The following PTPRM variants were observed in gnomAD, a reference collection of about 807,000 sequenced individuals.
PTPRM encodes the protein protein tyrosine phosphatase receptor type M, also known as receptor-type tyrosine-protein phosphatase mu.
A neutral mutation model predicts 186.7 loss-of-function variants in PTPRM; 47 were observed. That is an observed-to-expected ratio of 0.25 (90% CI 0.20 to 0.32). PTPRM has a LOEUF of 0.32. Ranked by LOEUF, PTPRM falls within the 10% of genes least tolerant of loss-of-function variation. The pLI is 1.00. For missense variants in PTPRM, 1,494 were observed against 1,865.0 expected, an observed-to-expected ratio of 0.80 and a Z score of 3.66; for synonymous variants, 668 against 674.9, an observed-to-expected ratio of 0.99 and a Z score of 0.16.
rs192908376 is a variant in PTPRM, at chr18:7,846,261, G to T, written c.197-41845G>T. Among the ~76,000 whole-genome samples, 438 of 152,214 alleles carry T rather than the reference G, an allele frequency of 2.9e-3. 5 individuals carry two copies. Among genetic ancestry groups the T allele is most frequent in the Non-Finnish European group, 2.7e-3 (186 of 68,016 alleles). The stretch of plus-strand genomic sequence containing the variant: ...GCAAGACAAATTATTTGTATGTGAT[G>T]GTGCTAGATCCCCCATTACATACAG... On this transcript the variant is annotated intron_variant, in intron 2 of 32. Transcript: ENST00000580170.
At chr18:7,797,951 C>G (rs575176853) in intron 2 of PTPRM, among the ~76,000 whole-genome samples, 1 of 152,274 alleles carries the variant, frequency 6.6e-6, no homozygotes, top group South Asian at 2.1e-4. Context: ...GCCTTGACTT[C>G]GGATGTCCCT....
At chr18:8,398,190 C>T (rs1339177688) in intron 32 of PTPRM, among the ~76,000 whole-genome samples, 1 of 152,040 alleles carries the variant, frequency 6.6e-6, no homozygotes, top group Non-Finnish European at 1.5e-5. Flanking sequence ...TGCAGTTTTG[C>T]CCAGGCTGGT....
intron 19 of PTPRM, among the ~76,000 whole-genome samples, chr18:8,285,669 C>CT (rs1466596876): frequency 1.3e-5 from 2 of 152,126 alleles, no homozygotes; most frequent in Non-Finnish European, 2.9e-5. Context: ...GTTGTCTCGA[C>CT]TTTTTCTATT....
intron 7 of PTPRM, among the ~76,000 whole-genome samples, chr18:8,043,566 T>G (rs764193968): frequency 7.2e-5 from 11 of 152,196 alleles, no homozygotes; most frequent in Non-Finnish European, 1.5e-4. Context: ...AGGTATTTTT[T>G]TTTTCACTTC....
intron 10 of PTPRM, among the ~76,000 whole-genome samples, chr18:8,086,567 G>T (rs946732053): frequency 6.6e-6 from 1 of 152,136 alleles, no homozygotes; most frequent in Non-Finnish European, 1.5e-5. Context: ...GTGTGGAAGT[G>T]TTGAGTTTTG....
At chr18:8,205,182 TAGAA>T (rs2093911047) in intron 14 of PTPRM, among the ~76,000 whole-genome samples, 2 of 152,166 alleles carry the variant, frequency 1.3e-5, no homozygotes, top group Admixed American at 1.3e-4. Context: ...CATTAATAAA[TAGAA>T]AGCTTTAAGA....
chr18:8,259,946 A>G (rs2094611600), intron 19 of PTPRM, among the ~76,000 whole-genome samples: 1 of 152,012 alleles, frequency 6.6e-6, no homozygotes, highest in South Asian at 2.1e-4. Context: ...CTGGCCCCAG[A>G]TCTCCCTCTT....
intron 14 of PTPRM, among the ~76,000 whole-genome samples, chr18:8,176,678 A>G (rs1299888032): frequency 1.3e-5 from 2 of 152,208 alleles, no homozygotes; most frequent in Non-Finnish European, 2.9e-5. Flanking sequence ...AAGAAAGGTC[A>G]TGGGAAGATT....
intron 7 of PTPRM, among the ~76,000 whole-genome samples, chr18:8,054,309 A>G (rs1226005143): frequency 2.8e-5 from 4 of 140,848 alleles, no homozygotes; most frequent in African/African-American, 1.1e-4. Context: ...ATATATATAT[A>G]TATATATATA....
At chr18:7,657,532 A>G (rs186365941) in intron 1 of PTPRM, among the ~76,000 whole-genome samples, 6 of 152,236 alleles carry the variant, frequency 3.9e-5, no homozygotes, top group Admixed American at 3.3e-4. Context: ...CTTATTTTCT[A>G]TACACAGCCG....
At chr18:8,035,235 A>G (rs927860460) in intron 7 of PTPRM, among the ~76,000 whole-genome samples, 1 of 152,246 alleles carries the variant, frequency 6.6e-6, no homozygotes, top group African/African-American at 2.4e-5. Flanking sequence ...ACCAGGCTGC[A>G]TCTTCAAAAT....
chr18:7,780,289 G>A (rs995742187), intron 2 of PTPRM, among the ~76,000 whole-genome samples: 1 of 152,150 alleles, frequency 6.6e-6, no homozygotes, highest in African/African-American at 2.4e-5. Flanking sequence ...TACAACATAG[G>A]AAACTGAAGT....
At chr18:8,153,747 A>G (rs1275155270) in intron 14 of PTPRM, among the ~76,000 whole-genome samples, 1 of 152,234 alleles carries the variant, frequency 6.6e-6, no homozygotes, top group African/African-American at 2.4e-5. Context: ...GTTAAAGCAT[A>G]ACATTAATCA....
At chr18:8,311,413 A>G (rs1568722150) in intron 20 of PTPRM, among the ~76,000 whole-genome samples, 1 of 152,078 alleles carries the variant, frequency 6.6e-6, no homozygotes, top group Non-Finnish European at 1.5e-5. Flanking sequence ...GGAAGAGTTC[A>G]ATCCTTGTTG....
chr18:7,988,549 A>C (rs1299566965), intron 7 of PTPRM, among the ~76,000 whole-genome samples: 1 of 152,170 alleles, frequency 6.6e-6, no homozygotes, highest in East Asian at 1.9e-4. Flanking sequence ...CCCTGTACTT[A>C]AAACGACAAC....
rs2036449252 is a variant in PTPRM, at chr18:7,567,338, C to A, written c.-481C>A. 1 of 148,502 alleles carries A rather than the reference C, an allele frequency of 6.7e-6. No individual in the cohort carries two copies. The highest frequency in any genetic ancestry group is 1.5e-5 in the Non-Finnish European group (1 of 66,622). 9.2% of individuals were successfully genotyped at this position (148,502 alleles called of 1,614,324 possible). ...GCCAGTCAGTCGGGGAGCAAGAGCC[C>A]CGCGCGCAGCCGGCGCGGGCTCGGT... On this transcript the variant is annotated 5_prime_UTR_variant, in exon 1 of 33. Coordinates refer to ENST00000580170, the MANE Select transcript of PTPRM (RefSeq NM_001105244.2). The surrounding 1 kb of genome is among the most constrained non-coding windows in gnomAD (Gnocchi z 4.3).
chr18:7,634,169 G>GT (rs753372231), intron 1 of PTPRM, among the ~76,000 whole-genome samples: 1 of 151,834 alleles, frequency 6.6e-6, no homozygotes, highest in Non-Finnish European at 1.5e-5. Flanking sequence ...GTTTTTTCTT[G>GT]TTGCTGTTTT....
intron 22 of PTPRM, among the ~76,000 whole-genome samples, chr18:8,335,793 G>A (rs1027152792): frequency 6.6e-5 from 10 of 151,986 alleles, no homozygotes; most frequent in East Asian, 1.9e-4. Flanking sequence ...AAGCTGAGGC[G>A]GGCAGATCAT....
intron 20 of PTPRM, among the ~76,000 whole-genome samples, chr18:8,296,923 A>G (rs1377458953): frequency 2.0e-5 from 3 of 152,190 alleles, no homozygotes; most frequent in Admixed American, 6.5e-5. Context: ...TCAGAAGTTA[A>G]ATGATACTCC....
Sources: allele counts gnomAD v4.1 joint callset (sites outside exome capture counted in the v4.1 genomes callset), GRCh38; gene constraint gnomAD v4.1.1; non-coding constraint Gnocchi (gnomAD v3.1); transcripts MANE v1.5; gene names NCBI Gene and HGNC (gene_info 2026-07-23, HGNC 2026-07-21).